Variants in ADCY5 observed in about 807,000 individuals in gnomAD.
The protein encoded by ADCY5 is adenylate cyclase 5.
A neutral mutation model predicts 119.7 loss-of-function variants in ADCY5; 30 were observed. That is an observed-to-expected ratio of 0.25 (90% CI 0.19 to 0.34). ADCY5 has a LOEUF of 0.34. Among genes scored for constraint, ADCY5 ranks in the 10% least tolerant of loss-of-function variants. ADCY5 has a pLI of 1.00. For missense variants in ADCY5, 1,324 were observed against 1,775.2 expected (o/e 0.75, Z 4.57); for synonymous variants, 753 against 762.2 (o/e 0.99, Z 0.20).
chr3:123,326,395 G>C (rs1261396473), intron 7 of ADCY5, among the ~76,000 whole-genome samples: 1 of 152,206 alleles, frequency 6.6e-6, no homozygotes, highest in Non-Finnish European at 1.5e-5. Flanking sequence ...ATGAGGTGAC[G>C]GTGGGGACAC....
chr3:123,303,838 AAAGAGAAGAGAAGAG>A (rs780526569), intron 13 of ADCY5, among the ~76,000 whole-genome samples: 88 of 99,456 alleles, frequency 8.8e-4, no homozygotes, highest in African/African-American at 3.8e-3. Context: ...ACTGGAAAGA[AAAGAGAAGAGAAGAG>A]AAGAGAAGAG....
rs1941420910 is a variant in ADCY5 at position 123,325,193 on chromosome 3, A to G, written c.2088+129T>C. The G allele has an allele frequency of 3.2e-6, 4 of 1,263,816 alleles. No individual in the cohort carries two copies. In the South Asian group the frequency reaches 5.8e-5, roughly 18 times the overall value. 78.3% of individuals were successfully genotyped at this position (1,263,816 alleles called of 1,614,324 possible). On this transcript the variant is annotated intron_variant, in intron 8 of 20. Transcript: ENST00000462833. Reference sequence around the variant, plus strand: ...CTAGTCCAAAGTTGGGGCAAACCGCACTTGTATTTGCTTGTGTGGCTCCCC... The same window carrying G: ...CTAGTCCAAAGTTGGGGCAAACCGCGCTTGTATTTGCTTGTGTGGCTCCCC...
At chr3:123,330,530 C>G (rs1007519893) in intron 5 of ADCY5, among the ~76,000 whole-genome samples, 1 of 152,186 alleles carries the variant, frequency 6.6e-6, no homozygotes, top group Admixed American at 6.5e-5. Flanking sequence ...ACCAGCAGTT[C>G]GATGCCTGGC....
chr3:123,346,485 A>T (rs892175295), intron 3 of ADCY5, among the ~76,000 whole-genome samples: 2 of 152,210 alleles, frequency 1.3e-5, no homozygotes, highest in African/African-American at 4.8e-5. Context: ...TGAGAGACAG[A>T]TGGAAGACAT....
chr3:123,296,282 AC>A, intron 16 of ADCY5, 66 bp from the exon 17 acceptor site: 5 of 1,480,154 alleles, frequency 3.4e-6, no homozygotes, highest in South Asian at 1.2e-5. Context: ...TGAGGACCCC[AC>A]CCCCACCCAC....
At chr3:123,346,637 C>G (rs55845188) in intron 3 of ADCY5, among the ~76,000 whole-genome samples, 11 of 118,592 alleles carry the variant, frequency 9.3e-5, no homozygotes, top group East Asian at 9.3e-4. Context: ...CTCTCTCTCT[C>G]TCTCTGTGTG....
intron 1 of ADCY5, among the ~76,000 whole-genome samples, chr3:123,353,393 T>G (rs1443568694): frequency 6.6e-6 from 1 of 151,878 alleles, no homozygotes; most frequent in Non-Finnish European, 1.5e-5. Context: ...TCCCAGTGAG[T>G]GATGTGTAGG....
At chr3:123,447,379 C>CA in intron 1 of ADCY5, 33 bp downstream of exon 1, 1 of 1,493,344 alleles carries the variant, frequency 6.7e-7, no homozygotes, top group South Asian at 1.4e-5. Context: ...GCCCGCCCCG[C>CA]AATCCAGTCC....
intron 6 of ADCY5, 67 bp downstream of exon 6, chr3:123,328,577 G>A (rs1365772229): frequency 4.5e-6 from 7 of 1,572,996 alleles, no homozygotes; most frequent in Non-Finnish European, 5.2e-6. Flanking sequence ...CTGCAGGATG[G>A]TCACCCTGGG....
intron 19 of ADCY5, 34 bp downstream of exon 19, chr3:123,289,716 C>A: frequency 1.2e-6 from 2 of 1,609,342 alleles, no homozygotes; most frequent in Non-Finnish European, 1.7e-6. Flanking sequence ...CCTGACTGCA[C>A]CCTGGGCTCA....
chr3:123,414,705 C>T (rs535510699), intron 1 of ADCY5, among the ~76,000 whole-genome samples: 129 of 152,292 alleles, frequency 8.5e-4, no homozygotes, highest in African/African-American at 2.9e-3. Context: ...TACAGGCATG[C>T]ACCACCATGC....
At chr3:123,446,262 G>A (rs1397232197) in intron 1 of ADCY5, among the ~76,000 whole-genome samples, 2 of 152,196 alleles carry the variant, frequency 1.3e-5, no homozygotes, top group Non-Finnish European at 2.9e-5. Flanking sequence ...GTACTCAAGA[G>A]GATAAAAGTC....
intron 1 of ADCY5, among the ~76,000 whole-genome samples, chr3:123,388,788 A>G (rs562226734): frequency 5.5e-4 from 84 of 152,338 alleles, no homozygotes; most frequent in Middle Eastern, 3.4e-3. Context: ...GGGGCCCCCA[A>G]TATGAGCGGC....
At chr3:123,394,717 A>G (rs1301224218) in intron 1 of ADCY5, among the ~76,000 whole-genome samples, 1 of 152,228 alleles carries the variant, frequency 6.6e-6, no homozygotes, top group Non-Finnish European at 1.5e-5. Flanking sequence ...TAAGTTATCA[A>G]AACACCCAGT....
chr3:123,301,355 T>TG (rs1266379508), intron 14 of ADCY5, among the ~76,000 whole-genome samples: 2 of 152,010 alleles, frequency 1.3e-5, no homozygotes. Flanking sequence ...GATTGGATTG[T>TG]GGGGGGAAGC....
Position 123,286,856 on chromosome 3 carries a change from C to A in ADCY5, c.3533-47G>T. The A allele has an allele frequency of 6.5e-7, 1 of 1,535,558 alleles. No homozygotes were observed. Among genetic ancestry groups the A allele is most frequent in the Non-Finnish European group, 8.7e-7 (1 of 1,143,870 alleles). On this transcript the variant is annotated intron_variant, in intron 19 of 20. Coordinates refer to ENST00000462833, the MANE Select transcript of ADCY5 (RefSeq NM_183357.3). The surrounding 1 kb of genome is among the most constrained non-coding windows in gnomAD (Gnocchi z 4.2). ...CACAGTCATCACATCTCTGGCTTGA[C>A]CTTGCCACCATCTGTCTCCCCACAT...
At position 123,291,191 on chromosome 3, in the gene ADCY5, G is replaced by A. The variant is rs1358952523; in HGVS notation, c.3249C>T (p.Phe1083=). Residue 1083 remains phenylalanine, a synonymous_variant, in exon 18 of 21, where the codon TTC becomes TTT. Coordinates refer to ENST00000462833, the MANE Select transcript of ADCY5 (RefSeq NM_183357.3). ...MFASIANFSE[F]YVELEANNEG... ...CGTTGTTGGCCTCCAGCTCAACGTA[G>A]AACTCGGAGAAGTTGGCGATGGAGG... is the stretch of plus-strand genomic sequence containing the variant. The A allele has an allele frequency of 3.7e-6, 6 of 1,613,976 alleles. No individual in the cohort carries two copies. In the East Asian group the frequency reaches 1.1e-4, roughly 30 times the overall value.
At chr3:123,364,693 G>A (rs1009924567) in intron 1 of ADCY5, among the ~76,000 whole-genome samples, 4 of 151,874 alleles carry the variant, frequency 2.6e-5, no homozygotes, top group Admixed American at 6.6e-5. Flanking sequence ...CTTGATGGCC[G>A]CATTTACAAA....
chr3:123,300,870 C>T (rs1279887397), intron 14 of ADCY5, among the ~76,000 whole-genome samples: 2 of 152,356 alleles, frequency 1.3e-5, no homozygotes, highest in African/African-American at 4.8e-5. Flanking sequence ...ATCCTGTCCC[C>T]TGTGACATGC....
Sources: gnomAD v4.1 joint callset for allele counts (sites outside exome capture counted in the v4.1 genomes callset) on GRCh38, gnomAD v4.1.1 for gene constraint, Gnocchi (gnomAD v3.1) non-coding constraint, MANE v1.5 for transcripts, NCBI Gene and HGNC (gene_info 2026-07-23, HGNC 2026-07-21) for gene names.